Variants in EPHA4 observed in about 807,000 individuals in gnomAD.
EPHA4 encodes the protein ephrin type-A receptor 4.
A neutral mutation model predicts 108.3 loss-of-function variants in EPHA4; 19 were observed. The ratio of observed to expected loss-of-function variants is 0.18; its 90% CI spans 0.12 to 0.26. EPHA4 has a LOEUF of 0.26. Among genes scored for constraint, EPHA4 ranks in the 10% least tolerant of loss-of-function variants. The pLI is 1.00. For missense variants in EPHA4, 917 were observed against 1,254.0 expected (o/e 0.73, Z 4.06); for synonymous variants, 449 against 455.5 (o/e 0.99, Z 0.18).
Position 221,559,921 on chromosome 2 carries a change from G to A in EPHA4, c.823+3810C>T, listed in dbSNP as rs191981645. Among the ~76,000 whole-genome samples, 6 of 152,318 alleles carry A rather than the reference G, an allele frequency of 3.9e-5. No homozygotes were observed. The East Asian group carries it at 1.2e-3, about 29-fold the overall frequency. Reference sequence around the variant, plus strand: ...TCATTTCAGAAAATGTTATTCAAGAGCAGAATGAACTTGCCTCTGCTTCAG... The same window carrying A: ...TCATTTCAGAAAATGTTATTCAAGAACAGAATGAACTTGCCTCTGCTTCAG... On this transcript the variant is annotated intron_variant, in intron 3 of 17. Transcript: ENST00000281821.
At chr2:221,510,699 A>G (rs1302432148) in intron 3 of EPHA4, among the ~76,000 whole-genome samples, 1 of 152,228 alleles carries the variant, frequency 6.6e-6, no homozygotes, top group Non-Finnish European at 1.5e-5. Flanking sequence ...AATTAACTCT[A>G]TAAAAAATAT....
intron 3 of EPHA4, among the ~76,000 whole-genome samples, chr2:221,522,755 ATTATTATTATTATTATTATTT>A (rs911319274): frequency 1.4e-5 from 2 of 141,898 alleles, no homozygotes; most frequent in African/African-American, 5.2e-5. Context: ...TATTATTATT[ATTATTATTATTATTATTATTT>A]TTTTGAGACG....
intron 4 of EPHA4, among the ~76,000 whole-genome samples, chr2:221,491,673 T>C (rs1692146871): frequency 6.6e-6 from 1 of 152,170 alleles, no homozygotes; most frequent in Non-Finnish European, 1.5e-5. Context: ...ACTTCCCAGA[T>C]GATCCTCTTT....
chr2:221,426,114 T>C lies in EPHA4; in HGVS notation c.2875A>G (p.Ile959Val), dbSNP rs747243818. The change falls in exon 17 of 18, where the codon ATC becomes GTC. Residue 959 changes from isoleucine to valine, a missense_variant. Ile to Val is a conservative substitution (Grantham distance 29). This residue lies in a region of EPHA4 where 26 missense variants were observed against 44.4 expected (regional missense o/e 0.59). Coordinates refer to ENST00000281821, the MANE Select transcript of EPHA4 (RefSeq NM_004438.5). ...EDLARIGITA[I>V]THQNKILSSV... ...CTCAAAATCTTATTCTGGTGCGTGA[T>C]GGCTGTGATACCAATTCTTGCCAGG... The C allele has an allele frequency of 2.1e-5, 34 of 1,614,130 alleles. No homozygotes were observed. Among genetic ancestry groups the C allele is most frequent in the Non-Finnish European group, 2.5e-5 (30 of 1,180,036 alleles).
At chr2:221,442,795 T>C (rs775533154) in intron 11 of EPHA4, 34 bp downstream of exon 11, 7 of 1,608,736 alleles carry the variant, frequency 4.4e-6, no homozygotes, top group Non-Finnish European at 6.0e-6. Context: ...CAGTAACTTC[T>C]AGCTTGGCTT....
intron 4 of EPHA4, among the ~76,000 whole-genome samples, chr2:221,495,931 C>T (rs984291887): frequency 6.6e-6 from 1 of 152,050 alleles, no homozygotes; most frequent in African/African-American, 2.4e-5. Flanking sequence ...CATAAGAATG[C>T]TGGGGTTAAA....
rs538449582 is a variant in EPHA4 at position 221,467,588 on chromosome 2, A to T, written c.1319-9598T>A. ...GCATTACTTTAATGTCTGTTTTACA[A>T]GTTAGCTAGTATCTTGAATTAGCAT... On this transcript the variant is annotated intron_variant, in intron 5 of 17. Transcript: ENST00000281821. Among the ~76,000 whole-genome samples the T allele has an allele frequency of 1.1e-4, 17 of 152,332 alleles. No homozygotes were observed. In the East Asian group the frequency reaches 3.1e-3, roughly 28 times the overall value.
intron 3 of EPHA4, among the ~76,000 whole-genome samples, chr2:221,540,823 A>G (rs530017821): frequency 2.0e-5 from 3 of 152,128 alleles, no homozygotes; most frequent in South Asian, 2.1e-4. Context: ...TCGAAACCTC[A>G]CTGACATAGG....
intron 3 of EPHA4, among the ~76,000 whole-genome samples, chr2:221,538,185 A>G (rs1693727557): frequency 6.6e-6 from 1 of 152,210 alleles, no homozygotes; most frequent in Non-Finnish European, 1.5e-5. Context: ...GTTATAGGAC[A>G]CAAATGAAAA....
intron 11 of EPHA4, among the ~76,000 whole-genome samples, chr2:221,440,765 A>G (rs982364237): frequency 3.9e-5 from 6 of 152,244 alleles, no homozygotes; most frequent in Admixed American, 2.0e-4. Context: ...AAATAACCTT[A>G]TAAGGCAAAT....
At chr2:221,494,567 A>T (rs1692249268) in intron 4 of EPHA4, among the ~76,000 whole-genome samples, 1 of 152,188 alleles carries the variant, frequency 6.6e-6, no homozygotes, top group Non-Finnish European at 1.5e-5. Context: ...AGATAGCGCC[A>T]CTGTACTCCA....
intron 5 of EPHA4, among the ~76,000 whole-genome samples, chr2:221,474,133 TTGTC>T (rs1462041450): frequency 6.6e-6 from 1 of 152,184 alleles, no homozygotes; most frequent in African/African-American, 2.4e-5. Context: ...GACATACTAT[TTGTC>T]TGTGCTATTC....
At chr2:221,424,594 G>C (rs944173949) in intron 17 of EPHA4, among the ~76,000 whole-genome samples, 1 of 152,114 alleles carries the variant, frequency 6.6e-6, no homozygotes, top group Non-Finnish European at 1.5e-5. Flanking sequence ...AAAGCTAATA[G>C]GTTTATGGAT....
At chr2:221,565,133 G>A (rs1321943124) in intron 2 of EPHA4, among the ~76,000 whole-genome samples, 1 of 151,964 alleles carries the variant, frequency 6.6e-6, no homozygotes, top group East Asian at 1.9e-4. Flanking sequence ...AACAAAACTA[G>A]AAAACAGACA....
At chr2:221,506,196 A>G (rs1692625648) in intron 3 of EPHA4, among the ~76,000 whole-genome samples, 1 of 152,150 alleles carries the variant, frequency 6.6e-6, no homozygotes, top group Non-Finnish European at 1.5e-5. Flanking sequence ...GATACATAAT[A>G]TATCCAGTAT....
intron 8 of EPHA4, among the ~76,000 whole-genome samples, chr2:221,447,058 G>A (rs888285932): frequency 6.6e-6 from 1 of 152,096 alleles, no homozygotes; most frequent in Non-Finnish European, 1.5e-5. Context: ...CTCAAGCCTT[G>A]CAAATCAAAA....
chr2:221,466,559 C>A (rs1691319764), intron 5 of EPHA4, among the ~76,000 whole-genome samples: 1 of 152,186 alleles, frequency 6.6e-6, no homozygotes, highest in Admixed American at 6.5e-5. Flanking sequence ...AAACTCAAGT[C>A]CACCTGGCTC....
intron 3 of EPHA4, among the ~76,000 whole-genome samples, chr2:221,529,476 C>G (rs927099810): frequency 6.6e-6 from 1 of 152,176 alleles, no homozygotes; most frequent in African/African-American, 2.4e-5. Flanking sequence ...CCAATGGAAA[C>G]GCCTAGCTTT....
chr2:221,527,909 C>A (rs1405142443), intron 3 of EPHA4, among the ~76,000 whole-genome samples: 2 of 152,108 alleles, frequency 1.3e-5, no homozygotes, highest in African/African-American at 4.8e-5. Context: ...GCAAACCCCT[C>A]CTTTTAATAT....
Sources: allele counts gnomAD v4.1 joint callset (sites outside exome capture counted in the v4.1 genomes callset), GRCh38; gene constraint gnomAD v4.1.1; regional missense constraint gnomAD v4.1.1; transcripts MANE v1.5; gene names NCBI Gene and HGNC (gene_info 2026-07-23, HGNC 2026-07-21).